Variants in RAB38 observed in about 807,000 individuals in gnomAD.
The protein encoded by RAB38 is ras-related protein Rab-38.
RAB38 carries 15 observed loss-of-function variants against 18.4 expected under a neutral mutation model. The observed-to-expected ratio is 0.82, with a 90% CI of 0.55 to 1.26. The LOEUF is 1.26. Among genes scored for constraint, RAB38 ranks in the 50% most tolerant of loss-of-function variants. The probability of loss-of-function intolerance (pLI) is 0.00; values close to 1 mark genes in which losing one functional copy is unlikely to be tolerated. For missense variants in RAB38, 294 were observed against 267.4 expected, an observed-to-expected ratio of 1.10 and a Z score of -0.69; for synonymous variants, 101 against 104.4, an observed-to-expected ratio of 0.97 and a Z score of 0.20.
intron 2 of RAB38, among the ~76,000 whole-genome samples, chr11:88,114,596 C>T (rs1942523005): frequency 1.3e-5 from 2 of 152,170 alleles, no homozygotes; most frequent in South Asian, 2.1e-4. Flanking sequence ...TTCTGGGTCT[C>T]TATATTCTAG....
intron 1 of RAB38, among the ~76,000 whole-genome samples, chr11:88,172,935 G>C (rs757130814): frequency 6.6e-6 from 1 of 152,198 alleles, no homozygotes; most frequent in African/African-American, 2.4e-5. Flanking sequence ...GGAAAAACAA[G>C]CTCCTCTACT....
At chr11:88,010,209 T>C in the RAB38 span, among the ~76,000 whole-genome samples, 1 of 152,184 alleles carries the variant, frequency 6.6e-6, no homozygotes, top group Non-Finnish European at 1.5e-5. Context: ...ACACTTGACT[T>C]ATGCTGTATG....
chr11:88,006,763 A>G, the RAB38 span, among the ~76,000 whole-genome samples: 1 of 151,466 alleles, frequency 6.6e-6, no homozygotes, highest in Non-Finnish European at 1.5e-5. Context: ...AAAGACAAAT[A>G]TCACATGATC....
the RAB38 span, among the ~76,000 whole-genome samples, chr11:87,893,390 ATTTT>A: frequency 1.1e-5 from 1 of 93,890 alleles, no homozygotes; most frequent in African/African-American, 3.7e-5. Flanking sequence ...ATATATATAT[ATTTT>A]TTTTTTACAT....
chr11:88,058,916 A>G, the RAB38 span, among the ~76,000 whole-genome samples: 1 of 152,140 alleles, frequency 6.6e-6, no homozygotes, highest in Non-Finnish European at 1.5e-5. Flanking sequence ...GATTTATAGG[A>G]CTTGGCACTG....
chr11:87,836,834 C>G, the RAB38 span, among the ~76,000 whole-genome samples: 1 of 152,150 alleles, frequency 6.6e-6, no homozygotes, highest in Admixed American at 6.6e-5. Flanking sequence ...TCTTTTTGTA[C>G]TCATTGTCTC....
chr11:88,132,614 T>C (rs939564516), intron 2 of RAB38, among the ~76,000 whole-genome samples: 1 of 152,112 alleles, frequency 6.6e-6, no homozygotes, highest in Non-Finnish European at 1.5e-5. Context: ...TGCGCCACCA[T>C]GCCCAGCTAA....
At chr11:87,975,722 T>C in the RAB38 span, among the ~76,000 whole-genome samples, 1 of 151,654 alleles carries the variant, frequency 6.6e-6, no homozygotes, top group African/African-American at 2.4e-5. Context: ...TATGCTGTAA[T>C]AAATTAAGGA....
intron 1 of RAB38, chr11:88,173,569 T>TA: frequency 2.0e-6 from 2 of 985,454 alleles, no homozygotes; most frequent in Non-Finnish European, 2.4e-6. Context: ...GTCATGCTGT[T>TA]ACCTGGATTG....
chr11:88,033,205 C>T, the RAB38 span, among the ~76,000 whole-genome samples: 2 of 150,688 alleles, frequency 1.3e-5, no homozygotes, highest in East Asian at 2.0e-4. Context: ...GGAAGGGGAA[C>T]GTGACACTCT....
the RAB38 span, among the ~76,000 whole-genome samples, chr11:87,847,564 T>C: frequency 6.6e-6 from 1 of 152,140 alleles, no homozygotes; most frequent in Non-Finnish European, 1.5e-5. Flanking sequence ...ACTGTGGGGT[T>C]GGCATTGACT....
chr11:88,081,924 G>A, the RAB38 span, among the ~76,000 whole-genome samples: 1 of 151,832 alleles, frequency 6.6e-6, no homozygotes, highest in Non-Finnish European at 1.5e-5. Flanking sequence ...TGGCAATAGA[G>A]CAGAATGAAC....
the RAB38 span, among the ~76,000 whole-genome samples, chr11:87,805,586 G>A: frequency 1.4e-5 from 2 of 145,972 alleles, no homozygotes; most frequent in East Asian, 4.1e-4. Flanking sequence ...TTTAGTCAGG[G>A]TTCCACAGAG....
chr11:88,108,241 T>C, the RAB38 span, among the ~76,000 whole-genome samples: 2 of 152,148 alleles, frequency 1.3e-5, no homozygotes, highest in Non-Finnish European at 2.9e-5. Flanking sequence ...CCACTCTTAT[T>C]GTGTGGGAGC....
the RAB38 span, among the ~76,000 whole-genome samples, chr11:88,105,264 C>A: frequency 6.6e-6 from 1 of 152,026 alleles, no homozygotes. Flanking sequence ...TTGTCATTAT[C>A]TTTTTATTTC....
At chr11:88,092,688 G>GTA in the RAB38 span, among the ~76,000 whole-genome samples, 1 of 151,402 alleles carries the variant, frequency 6.6e-6, no homozygotes, top group African/African-American at 2.4e-5. Flanking sequence ...TTTAACTAGT[G>GTA]TATATATATA....
chr11:87,901,283 C>A, the RAB38 span, among the ~76,000 whole-genome samples: 12,417 of 151,484 alleles, frequency 0.082, 846 homozygotes, highest in African/African-American at 0.19. Flanking sequence ...TTCCCTTATC[C>A]TTACATAGGG....
At chr11:87,858,833 C>T in the RAB38 span, among the ~76,000 whole-genome samples, 1 of 150,908 alleles carries the variant, frequency 6.6e-6, no homozygotes, top group Non-Finnish European at 1.5e-5. Flanking sequence ...ATTTATTAAA[C>T]TGTGAAAAAA....
At chr11:88,173,543 A>T in intron 1 of RAB38, 1 of 985,422 alleles carries the variant, frequency 1.0e-6, no homozygotes, top group Non-Finnish European at 1.2e-6. Context: ...ATCTACAGAC[A>T]TAGAACTTCT....
Sources: allele counts gnomAD v4.1 joint callset (sites outside exome capture counted in the v4.1 genomes callset), GRCh38; gene constraint gnomAD v4.1.1; transcripts MANE v1.5; gene names NCBI Gene and HGNC (gene_info 2026-07-23, HGNC 2026-07-21).